IQCM: variants seen among roughly 807,000 people sequenced by gnomAD.
The protein encoded by IQCM is IQ domain-containing protein M.
IQCM carries 45 observed loss-of-function variants against 57.6 expected under a neutral mutation model. The observed-to-expected ratio is 0.78, with a 90% CI of 0.62 to 1.00. The LOEUF is 1.00. Among genes scored for constraint, IQCM ranks in the 50% least tolerant of loss-of-function variants. IQCM has a pLI of 0.00. For synonymous variants in IQCM, 148 were observed against 158.9 expected (o/e 0.93, Z 0.51); for missense variants, 468 against 511.6 (o/e 0.91, Z 0.82).
At chr4:149,478,590 CTGTAGAGTTA>C (rs1438382668) in intron 12 of IQCM, among the ~76,000 whole-genome samples, 1 of 152,062 alleles carries the variant, frequency 6.6e-6, no homozygotes, top group Non-Finnish European at 1.5e-5. Flanking sequence ...TATTTGATAC[CTGTAGAGTTA>C]TGCAGATTTG....
At chr4:149,713,975 C>T (rs1764777686) in intron 5 of IQCM, among the ~76,000 whole-genome samples, 1 of 152,152 alleles carries the variant, frequency 6.6e-6, no homozygotes, top group African/African-American at 2.4e-5. Flanking sequence ...CCAACAGTCA[C>T]CTAATTTCTG....
chr4:149,548,460 T>C lies in IQCM; in HGVS notation c.1223A>G (p.His408Arg). Residue 408 changes from histidine to arginine, a missense_variant, in exon 12 of 14, where the codon CAT becomes CGT. By Grantham distance (29) the His-to-Arg change is conservative. Transcript: ENST00000636793. ...AGAAATGAGAAACTACTCACCTTGA[T>C]GGACCAGGTCCCAAGTATCATCAAC... is the stretch of plus-strand genomic sequence containing the variant. Reference protein sequence around the residue: ...KQVDDTWDLVHQDGKEKYSEL... With the variant: ...KQVDDTWDLVRQDGKEKYSEL... 1.6e-6 allele frequency: 2 copies of C among 1,231,992 alleles called. No homozygotes were observed. Among genetic ancestry groups the C allele is most frequent in the Non-Finnish European group, 1.0e-6 (1 of 987,876 alleles). 76.3% of individuals were successfully genotyped at this position (1,231,992 alleles called of 1,614,324 possible).
intron 12 of IQCM, among the ~76,000 whole-genome samples, chr4:149,533,291 GAAAT>G (rs1209227338): frequency 2.0e-5 from 3 of 151,978 alleles, no homozygotes; most frequent in South Asian, 4.1e-4. Context: ...AAGAAATAAA[GAAAT>G]AAATAAGCAT....
At position 149,622,121 on chromosome 4, in the gene IQCM, TG is replaced by T. The variant is rs563111233; in HGVS notation, c.566-878del. ...TTTATTTACAGGATCATAATTTGAG[TG>T]GTCTATGGGGAGGCAATGAAGTAAC... On this transcript the variant is annotated intron_variant, in intron 7 of 13. Coordinates refer to ENST00000636793, the MANE Select transcript of IQCM (RefSeq NM_001363507.2). Among the ~76,000 whole-genome samples the T allele has an allele frequency of 5.1e-3, 772 of 152,242 alleles. 4 individuals are homozygous for T. Among genetic ancestry groups the T allele is most frequent in the Admixed American group, 0.014 (220 of 15,294 alleles).
At chr4:149,768,087 T>C (rs1250362071) in intron 2 of IQCM, among the ~76,000 whole-genome samples, 2 of 152,144 alleles carry the variant, frequency 1.3e-5, no homozygotes, top group Non-Finnish European at 2.9e-5. Flanking sequence ...ACTAATTTTA[T>C]CACCAAAGTT....
chr4:149,702,216 T>A lies in IQCM; in HGVS notation c.386-15748A>T, dbSNP rs545609165. On this transcript the variant is annotated intron_variant, in intron 5 of 13. Transcript: ENST00000636793. ...GCTCTTACAAATAATGACACACATGTCACCATCAATTTTTGTAAAGCAATG... is the reference window on the plus strand; with the variant it reads ...GCTCTTACAAATAATGACACACATGACACCATCAATTTTTGTAAAGCAATG... 1.5e-3 allele frequency among the ~76,000 whole-genome samples: 229 copies of A among 151,756 alleles called. 1 individual carries two copies. The highest frequency in any genetic ancestry group is 5.3e-3 in the African/African-American group (220 of 41,436).
chr4:149,812,352 T>C (rs1320463803), intron 2 of IQCM, among the ~76,000 whole-genome samples: 1 of 152,066 alleles, frequency 6.6e-6, no homozygotes, highest in African/African-American at 2.4e-5. Flanking sequence ...GCACCAGAAA[T>C]ATATGATATA....
At chr4:149,764,691 C>T (rs570281617) in intron 2 of IQCM, among the ~76,000 whole-genome samples, 1 of 152,194 alleles carries the variant, frequency 6.6e-6, no homozygotes, top group East Asian at 1.9e-4. Flanking sequence ...GGGAAAGTTT[C>T]CCCTGCCTTT....
At chr4:149,500,257 T>A (rs1264170556) in intron 12 of IQCM, among the ~76,000 whole-genome samples, 1 of 152,188 alleles carries the variant, frequency 6.6e-6, no homozygotes, top group African/African-American at 2.4e-5. Context: ...CATTCTGCCC[T>A]TCTAAAAGTT....
rs149287131 is a variant in IQCM, at chr4:149,658,492, C to T, written c.565+23626G>A. Among the ~76,000 whole-genome samples the T allele has an allele frequency of 2.1e-3, 326 of 151,790 alleles. 3 individuals are homozygous for T. Among genetic ancestry groups the T allele is most frequent in the African/African-American group, 7.4e-3 (305 of 41,464 alleles). On this transcript the variant is annotated intron_variant, in intron 7 of 13. Coordinates refer to ENST00000636793, the MANE Select transcript of IQCM (RefSeq NM_001363507.2). Reference sequence around the variant, plus strand: ...GACTGTCTTGGCTTTTGGGGTCTCTCGTGGTTCCATAAGAATTTTAAGATA... The same window carrying T: ...GACTGTCTTGGCTTTTGGGGTCTCTTGTGGTTCCATAAGAATTTTAAGATA...
At chr4:149,753,644 T>C (rs1410356373) in intron 2 of IQCM, among the ~76,000 whole-genome samples, 1 of 151,746 alleles carries the variant, frequency 6.6e-6, no homozygotes, top group Non-Finnish European at 1.5e-5. Flanking sequence ...GACAAGTTAA[T>C]GGGTGCAGCA....
intron 13 of IQCM, among the ~76,000 whole-genome samples, chr4:149,363,447 A>T (rs1729628778): frequency 1.3e-5 from 2 of 152,172 alleles, no homozygotes; most frequent in African/African-American, 4.8e-5. Flanking sequence ...TATTGCAATT[A>T]TTGGGATTGT....
chr4:149,721,490 A>G (rs1765445757), intron 5 of IQCM, among the ~76,000 whole-genome samples: 1 of 151,982 alleles, frequency 6.6e-6, no homozygotes, highest in Admixed American at 6.6e-5. Context: ...ACCACTCTAT[A>G]TGCCTTTGTG....
At chr4:149,378,906 C>A (rs193239540) in intron 13 of IQCM, among the ~76,000 whole-genome samples, 2 of 152,254 alleles carry the variant, frequency 1.3e-5, no homozygotes, top group East Asian at 3.9e-4. Flanking sequence ...AAAATGGTTT[C>A]ATGGGCTGGG....
rs371942241 is a variant in IQCM, at chr4:149,517,637, G to T, written c.1228+30818C>A. Among the ~76,000 whole-genome samples, 154 of 152,266 alleles carry T rather than the reference G, an allele frequency of 1.0e-3. 5 individuals carry two copies. In the South Asian group the frequency reaches 0.031, roughly 30 times the overall value. ...GTATTGATCCTTGGCATGTCTGAAG[G>T]TATTGCCAAAGGAGATTAACATTTG... On this transcript the variant is annotated intron_variant, in intron 12 of 13. Coordinates refer to ENST00000636793, the MANE Select transcript of IQCM (RefSeq NM_001363507.2).
chr4:149,360,247 T>A (rs1190269865), intron 13 of IQCM, among the ~76,000 whole-genome samples: 1 of 152,056 alleles, frequency 6.6e-6, no homozygotes, highest in Non-Finnish European at 1.5e-5. Flanking sequence ...AAAATAACAC[T>A]ATAACAATAA....
chr4:149,796,209 G>A (rs1773099764), intron 2 of IQCM, among the ~76,000 whole-genome samples: 1 of 152,158 alleles, frequency 6.6e-6, no homozygotes, highest in Non-Finnish European at 1.5e-5. Context: ...TCCAAGACAG[G>A]CAGCATCACC....
intron 13 of IQCM, among the ~76,000 whole-genome samples, chr4:149,361,575 G>T (rs1412755099): frequency 6.6e-6 from 1 of 152,200 alleles, no homozygotes; most frequent in Admixed American, 6.5e-5. Context: ...TACAGCTCAG[G>T]CTGTGGCTTC....
intron 12 of IQCM, among the ~76,000 whole-genome samples, chr4:149,513,003 A>G (rs1200888081): frequency 6.6e-6 from 1 of 152,192 alleles, no homozygotes; most frequent in African/African-American, 2.4e-5. Context: ...TGCCATGCTC[A>G]GCTACAGGCC....
Sources: gnomAD v4.1 joint callset for allele counts (sites outside exome capture counted in the v4.1 genomes callset) on GRCh38, gnomAD v4.1.1 for gene constraint, MANE v1.5 for transcripts, NCBI Gene and HGNC (gene_info 2026-07-23, HGNC 2026-07-21) for gene names.